TNFRSF11A: variants seen among roughly 807,000 people sequenced by gnomAD.
The protein encoded by TNFRSF11A is tumor necrosis factor receptor superfamily member 11A.
Under a neutral mutation model 55.7 loss-of-function variants are expected in TNFRSF11A, and 32 were observed. The ratio of observed to expected loss-of-function variants is 0.57; its 90% confidence interval spans 0.43 to 0.77. The LOEUF (loss-of-function observed/expected upper bound fraction) is 0.77. TNFRSF11A is among the 30% of genes least tolerant of loss of function. The probability of loss-of-function intolerance (pLI) is 0.00; values close to 1 mark genes in which losing one functional copy is unlikely to be tolerated. For missense variants in TNFRSF11A, 753 were observed against 809.8 expected (o/e 0.93, Z 0.85); for synonymous variants, 311 against 331.0 (o/e 0.94, Z 0.65).
chr18:62,342,226 C>T (rs1356829570), intron 1 of TNFRSF11A, among the ~76,000 whole-genome samples: 3 of 151,258 alleles, frequency 2.0e-5, no homozygotes, highest in Non-Finnish European at 4.4e-5. Flanking sequence ...CATGGTGAAA[C>T]CCCGTGTCTA....
rs1159571853 is a variant in TNFRSF11A, at chr18:62,369,455, G to T, written c.1538G>T (p.Ser513Ile). The change falls in exon 9 of 10, where the codon AGC (serine) becomes ATC (isoleucine). Residue 513 changes from serine (S) to isoleucine (I), a missense_variant. This residue lies in a region of TNFRSF11A where 567 missense variants were observed against 596.7 expected (regional missense o/e 0.95). Coordinates refer to ENST00000586569, the MANE Select transcript of TNFRSF11A (RefSeq NM_003839.4). ...SSARAGAGSG[S>I]SPGGQSPASG... ...GCGAGGGCAGGTGCCGGGTCTGGAA[G>T]CTCCCCTGGTGGCCAGTCCCCTGCA... is the stretch of plus-strand genomic sequence containing the variant. 3 of 1,609,104 alleles carry T rather than the reference G, an allele frequency of 1.9e-6. No individual in the cohort carries two copies. Among genetic ancestry groups the T allele is most frequent in the East Asian group, 4.5e-5 (2 of 44,890 alleles).
At chr18:62,356,948 G>A in intron 4 of TNFRSF11A, among the ~76,000 whole-genome samples, 1 of 152,190 alleles carries the variant, frequency 6.6e-6, no homozygotes, top group East Asian at 1.9e-4. Flanking sequence ...ATGCCTGTTA[G>A]CCCCCGTCTC....
chr18:62,384,791 C>A lies in TNFRSF11A; in HGVS notation c.1608C>A (p.Ser536Arg), dbSNP rs372291426. The stretch of plus-strand genomic sequence containing the variant: ...ACAGTAACTCCACGTTCATCTCCAG[C>A]GGGCAGGTGATGAACTTCAAGGGCG... ...TGNSNSTFIS[S>R]GQVMNFKGDI... Residue 536 changes from serine to arginine, a missense_variant, in exon 10 of 10, where the codon AGC becomes AGA. By Grantham distance (110) the Ser-to-Arg change is moderately radical. This residue lies in a region of TNFRSF11A where 567 missense variants were observed against 596.7 expected (regional missense o/e 0.95). Coordinates refer to ENST00000586569, the MANE Select transcript of TNFRSF11A (RefSeq NM_003839.4). 6.2e-7 allele frequency: 1 copy of A among 1,612,700 alleles called. No homozygotes were observed. Among genetic ancestry groups the A allele is most frequent in the Non-Finnish European group, 8.5e-7 (1 of 1,179,506 alleles).
chr18:62,373,490 A>T (rs1279905817), intron 9 of TNFRSF11A, among the ~76,000 whole-genome samples: 1 of 152,138 alleles, frequency 6.6e-6, no homozygotes, highest in East Asian at 1.9e-4. Context: ...GGGAATTCTC[A>T]TAGCCTAATC....
chr18:62,364,654 G>A (rs899298432), intron 7 of TNFRSF11A, among the ~76,000 whole-genome samples: 94 of 152,124 alleles, frequency 6.2e-4, no homozygotes, highest in African/African-American at 2.2e-3. Flanking sequence ...TAGGGAGGGC[G>A]TGGTTTACCT....
intron 7 of TNFRSF11A, among the ~76,000 whole-genome samples, chr18:62,364,146 C>T (rs1203484789): frequency 6.6e-6 from 1 of 152,158 alleles, no homozygotes; most frequent in African/African-American, 2.4e-5. Context: ...GCCAGGGTCT[C>T]CCAGAGGAGG....
intron 9 of TNFRSF11A, among the ~76,000 whole-genome samples, chr18:62,384,100 C>G (rs554968944): frequency 5.3e-5 from 8 of 152,156 alleles, no homozygotes; most frequent in African/African-American, 1.9e-4. Flanking sequence ...CACTCTCTCT[C>G]TCTTTTGTAA....
chr18:62,360,031 G>A lies in TNFRSF11A; in HGVS notation c.598G>A (p.Ala200Thr). 1.9e-6 allele frequency: 3 copies of A among 1,613,990 alleles called. No homozygotes were observed. Among genetic ancestry groups the A allele is most frequent in the Non-Finnish European group, 2.5e-6 (3 of 1,179,850 alleles). The change falls in exon 6 of 10, where the codon GCT (alanine) becomes ACT (threonine). Residue 200 changes from alanine (A) to threonine (T), a missense_variant. Transcript: ENST00000586569. ...TGCGGTTTGCAGTTCTTCTCTGCCA[G>A]CTAGAAAACCACCAAATGGTATGTT... Reference protein sequence around the residue: ...SDAVCSSSLPARKPPNEPHVY... With the variant: ...SDAVCSSSLPTRKPPNEPHVY...
At chr18:62,366,212 A>T (rs1398136508) in intron 7 of TNFRSF11A, among the ~76,000 whole-genome samples, 1 of 152,250 alleles carries the variant, frequency 6.6e-6, no homozygotes, top group Non-Finnish European at 1.5e-5. Context: ...TTGAAAGATA[A>T]TATTGAACTG....
intron 1 of TNFRSF11A, among the ~76,000 whole-genome samples, chr18:62,331,064 C>T (rs534657413): frequency 2.0e-5 from 3 of 152,102 alleles, no homozygotes; most frequent in East Asian, 3.9e-4. Context: ...ATTAGCCCGG[C>T]GTGAGGGTAC....
At chr18:62,330,716 A>C (rs2046139248) in intron 1 of TNFRSF11A, 1 of 152,462 alleles carries the variant, frequency 6.6e-6, no homozygotes, top group African/African-American at 2.4e-5. Context: ...ATCTGAGTAC[A>C]GGGGCGATTT....
chr18:62,338,821 A>G (rs1290862003), intron 1 of TNFRSF11A, among the ~76,000 whole-genome samples: 4 of 152,206 alleles, frequency 2.6e-5, no homozygotes, highest in Non-Finnish European at 5.9e-5. Flanking sequence ...ATTTTCCACA[A>G]TAAAAAATAT....
chr18:62,334,343 C>T (rs1175065264), intron 1 of TNFRSF11A, among the ~76,000 whole-genome samples: 2 of 152,134 alleles, frequency 1.3e-5, no homozygotes, highest in South Asian at 2.1e-4. Context: ...AGCACTGGCT[C>T]GTCTATGCCC....
In TNFRSF11A at chr18:62,325,519, C is replaced by T; in HGVS notation, c.75+92C>T. The T allele has an allele frequency of 1.2e-6, 1 of 861,054 alleles. No individual in the cohort carries two copies. Among genetic ancestry groups the T allele is most frequent in the African/African-American group, 1.8e-5 (1 of 54,302 alleles). The allele number at this position is 861,054 out of a possible 1,614,324, so 53.3% of individuals were successfully genotyped here. ...GGGGCCGGCGGCATCCTGGCTCCTC[C>T]GCCTTCCGAGAGGAGCCGGAGTTTT... On this transcript the variant is annotated intron_variant, in intron 1 of 9. Coordinates refer to ENST00000586569, the MANE Select transcript of TNFRSF11A (RefSeq NM_003839.4). The surrounding 1 kb of genome is among the most constrained non-coding windows in gnomAD (Gnocchi z 4.7).
At chr18:62,376,668 T>C (rs1051133186) in intron 9 of TNFRSF11A, among the ~76,000 whole-genome samples, 10 of 152,166 alleles carry the variant, frequency 6.6e-5, no homozygotes, top group Non-Finnish European at 1.5e-4. Context: ...TATCCTGGCA[T>C]GCATCCACCA....
rs1203176429 is a variant in TNFRSF11A, at chr18:62,390,244, G to A, written c.*5210G>A. 1 of 152,214 alleles carries A rather than the reference G, an allele frequency of 6.6e-6. No homozygotes were observed. The highest frequency in any genetic ancestry group is 1.5e-5 in the Non-Finnish European group (1 of 68,062). The allele number at this position is 152,214 out of a possible 1,614,324, so 9.4% of individuals were successfully genotyped here. ...GACGCACCTTCTCCACAGTTGACAG[G>A]ACTGTTATGGTTGACCCAAAAGTTG... On this transcript the variant is annotated 3_prime_UTR_variant, in exon 10 of 10. Transcript: ENST00000586569.
In TNFRSF11A at chr18:62,368,725, A is replaced by C. The variant is rs1910280776; in HGVS notation, c.808A>C (p.Ser270Arg). Residue 270 changes from serine to arginine, a missense_variant, in exon 9 of 10, where the codon AGT becomes CGT. By Grantham distance (110) the Ser-to-Arg change is moderately radical (BLOSUM62 -1). This residue lies in a region of TNFRSF11A where 567 missense variants were observed against 596.7 expected (regional missense o/e 0.95). Coordinates refer to ENST00000586569, the MANE Select transcript of TNFRSF11A (RefSeq NM_003839.4). The part of the protein sequence containing the change: ...DKESSGDSCV[S>R]THTANFGQQG... ...GGAGTCCTCAGGTGACAGTTGTGTC[A>C]GTACACACACGGCAAACTTTGGTCA... 6.2e-7 allele frequency: 1 copy of C among 1,614,122 alleles called. No individual in the cohort carries two copies. The highest frequency in any genetic ancestry group is 1.7e-5 in the Admixed American group (1 of 60,008).
In TNFRSF11A at chr18:62,361,774, A is replaced by G. The variant is rs888696667; in HGVS notation, c.711A>G (p.Lys237=). The change falls in exon 7 of 10, where the codon AAA becomes AAG. Residue 237 remains lysine, a synonymous_variant. Transcript: ENST00000586569. ...TCATCTTTGGCGTTTGCTATAGGAAAAAAGGGAAAGCACTCACAGGTATTG... is the reference window on the plus strand; with the variant it reads ...TCATCTTTGGCGTTTGCTATAGGAAGAAAGGGAAAGCACTCACAGGTATTG... The part of the protein sequence containing the change: ...AAIIFGVCYR[K]KGKALTANLW... 6.2e-7 allele frequency: 1 copy of G among 1,614,142 alleles called. No individual in the cohort carries two copies. The highest frequency in any genetic ancestry group is 8.5e-7 in the Non-Finnish European group (1 of 1,179,994).
intron 7 of TNFRSF11A, among the ~76,000 whole-genome samples, chr18:62,362,298 C>T (rs1909750770): frequency 6.6e-6 from 1 of 151,926 alleles, no homozygotes; most frequent in African/African-American, 2.4e-5. Flanking sequence ...TGAGAGCAGC[C>T]TGGCCAACAT....
Sources: allele counts gnomAD v4.1 joint callset (sites outside exome capture counted in the v4.1 genomes callset), GRCh38; gene constraint gnomAD v4.1.1; regional missense constraint gnomAD v4.1.1; non-coding constraint Gnocchi (gnomAD v3.1); transcripts MANE v1.5; gene names NCBI Gene and HGNC (gene_info 2026-07-23, HGNC 2026-07-21).